MGMT: variants seen among roughly 807,000 people sequenced by gnomAD.
MGMT encodes O-6-methylguanine-DNA methyltransferase, also known as methylated-DNA--protein-cysteine methyltransferase.
A neutral mutation model predicts 15.9 loss-of-function variants in MGMT; 14 were observed. That is an observed-to-expected ratio of 0.88 (90% CI 0.58 to 1.37). The LOEUF (loss-of-function observed/expected upper bound fraction) is 1.37, where lower values mean the gene tolerates loss of function less well. Among genes scored for constraint, MGMT ranks in the 40% most tolerant of loss-of-function variants. The probability of loss-of-function intolerance (pLI) is 0.00; values close to 1 mark genes in which losing one functional copy is unlikely to be tolerated. For missense variants in MGMT, 282 were observed against 268.1 expected, an observed-to-expected ratio of 1.05 and a Z score of -0.36; for synonymous variants, 130 against 118.2, an observed-to-expected ratio of 1.10 and a Z score of -0.65.
chr10:129,515,262 G>A (rs1589844276), intron 1 of MGMT, among the ~76,000 whole-genome samples: 1 of 152,226 alleles, frequency 6.6e-6, no homozygotes, highest in Admixed American at 6.5e-5. Flanking sequence ...ACTCGCCAAG[G>A]CCCCGTCAGG....
At chr10:129,564,012 T>A (rs75091163) in intron 2 of MGMT, 3 of 152,374 alleles carry the variant, frequency 2.0e-5, no homozygotes, top group Non-Finnish European at 4.4e-5. Flanking sequence ...AGTGGTGGGC[T>A]GGTTTGGGTC....
chr10:129,697,100 A>G (rs1848041440), intron 2 of MGMT, among the ~76,000 whole-genome samples: 1 of 152,194 alleles, frequency 6.6e-6, no homozygotes, highest in African/African-American at 2.4e-5. Flanking sequence ...GACACCTAGT[A>G]TCTCTTTCTG....
intron 3 of MGMT, among the ~76,000 whole-genome samples, chr10:129,710,352 T>C (rs2133144805): frequency 6.6e-6 from 1 of 152,274 alleles, no homozygotes; most frequent in East Asian, 1.9e-4. Context: ...CCTTCTCTCT[T>C]GGTGTTCTAG....
At chr10:129,762,191 G>T (rs1164766057) in intron 4 of MGMT, among the ~76,000 whole-genome samples, 1 of 152,200 alleles carries the variant, frequency 6.6e-6, no homozygotes, top group Non-Finnish European at 1.5e-5. Context: ...GTGCGTCGCT[G>T]AGACTCGCTC....
intron 1 of MGMT, among the ~76,000 whole-genome samples, chr10:129,472,883 G>C (rs1294609693): frequency 6.6e-6 from 1 of 152,172 alleles, no homozygotes; most frequent in East Asian, 1.9e-4. Context: ...TCATTTACTA[G>C]GTCCCTGAAG....
intron 2 of MGMT, among the ~76,000 whole-genome samples, chr10:129,571,419 G>A (rs1288488331): frequency 2.0e-5 from 3 of 152,172 alleles, no homozygotes; most frequent in Admixed American, 6.5e-5. Flanking sequence ...GAACTTCACA[G>A]AGCTTGGGTG....
intron 2 of MGMT, among the ~76,000 whole-genome samples, chr10:129,601,321 C>T (rs1327852748): frequency 1.3e-5 from 2 of 152,194 alleles, no homozygotes; most frequent in Non-Finnish European, 2.9e-5. Flanking sequence ...GCACTGGGAA[C>T]AGCAACAAAA....
At position 129,571,632 on chromosome 10, in the gene MGMT, C is replaced by T. The variant is rs974334155; in HGVS notation, c.125+35255C>T. Among the ~76,000 whole-genome samples the T allele has an allele frequency of 4.6e-5, 7 of 152,224 alleles. No individual in the cohort carries two copies. In the South Asian group the frequency reaches 6.2e-4, roughly 14 times the overall value. ...GCAAGCATATTATTTTCCAATGTTTCGATCAATTTGTCTGTCAACCATGCT... is the reference window on the plus strand; with the variant it reads ...GCAAGCATATTATTTTCCAATGTTTTGATCAATTTGTCTGTCAACCATGCT... On this transcript the variant is annotated intron_variant, in intron 2 of 4. Transcript: ENST00000651593.
chr10:129,476,449 G>A (rs1942199232), intron 1 of MGMT, among the ~76,000 whole-genome samples: 1 of 152,144 alleles, frequency 6.6e-6, no homozygotes, highest in Non-Finnish European at 1.5e-5. Flanking sequence ...ACGGCTTCTT[G>A]GAAAGGTAGA....
At chr10:129,759,393 G>GC (rs1450556171) in intron 4 of MGMT, 52 bp downstream of exon 4, 2 of 1,611,438 alleles carry the variant, frequency 1.2e-6, no homozygotes, top group African/African-American at 2.7e-5. Flanking sequence ...CGTGCAGGTG[G>GC]CAGGGTGTCA....
intron 1 of MGMT, among the ~76,000 whole-genome samples, chr10:129,524,101 G>A (rs967788588): frequency 1.3e-5 from 2 of 152,186 alleles, no homozygotes; most frequent in African/African-American, 4.8e-5. Context: ...CGTGAAGACA[G>A]AGCAGCCAGT....
At chr10:129,687,451 A>T (rs1055369828) in intron 2 of MGMT, among the ~76,000 whole-genome samples, 1 of 152,194 alleles carries the variant, frequency 6.6e-6, no homozygotes, top group Non-Finnish European at 1.5e-5. Flanking sequence ...TCTGGTGCAC[A>T]GGGGGGACCC....
At chr10:129,538,216 C>CA (rs1846006650) in intron 2 of MGMT, among the ~76,000 whole-genome samples, 1 of 152,154 alleles carries the variant, frequency 6.6e-6, no homozygotes, top group Non-Finnish European at 1.5e-5. Context: ...CAAAAGTGTA[C>CA]AACCGTATAA....
intron 3 of MGMT, among the ~76,000 whole-genome samples, chr10:129,728,716 C>A (rs1382300567): frequency 6.6e-6 from 1 of 151,990 alleles, no homozygotes; most frequent in Non-Finnish European, 1.5e-5. Flanking sequence ...CCTCCCTGAC[C>A]ATGGTCCCTG....
chr10:129,692,562 C>T (rs1185129520), intron 2 of MGMT, among the ~76,000 whole-genome samples: 1 of 152,166 alleles, frequency 6.6e-6, no homozygotes, highest in Non-Finnish European at 1.5e-5. Context: ...CTTGAAAATC[C>T]CATGTGGCAA....
chr10:129,506,027 G>A (rs934081153), intron 1 of MGMT, among the ~76,000 whole-genome samples: 1 of 131,984 alleles, frequency 7.6e-6, no homozygotes, highest in Non-Finnish European at 1.5e-5. Flanking sequence ...TTTTTTTGCA[G>A]CATTTCCTCA....
intron 1 of MGMT, among the ~76,000 whole-genome samples, chr10:129,479,199 C>T (rs1406218240): frequency 6.6e-6 from 1 of 152,112 alleles, no homozygotes; most frequent in South Asian, 2.1e-4. Context: ...ATAGTGTTAA[C>T]ATCTCCTGCC....
chr10:129,680,067 T>C (rs184778699), intron 2 of MGMT, among the ~76,000 whole-genome samples: 1 of 152,352 alleles, frequency 6.6e-6, no homozygotes, highest in African/African-American at 2.4e-5. Context: ...TGCAATTCAG[T>C]GGCCAACGAG....
At chr10:129,761,299 C>G (rs953192372) in intron 4 of MGMT, among the ~76,000 whole-genome samples, 5 of 152,194 alleles carry the variant, frequency 3.3e-5, no homozygotes, top group South Asian at 2.1e-4. Flanking sequence ...ATTCTGCTCC[C>G]TCCGTGCACA....
Sources: allele counts gnomAD v4.1 joint callset (sites outside exome capture counted in the v4.1 genomes callset), GRCh38; gene constraint gnomAD v4.1.1; transcripts MANE v1.5; gene names NCBI Gene and HGNC (gene_info 2026-07-23, HGNC 2026-07-21).